PRORP: variants seen among roughly 807,000 people sequenced by gnomAD.
PRORP encodes the protein protein only RNase P catalytic subunit.
In PRORP, 51 loss-of-function variants were observed where a neutral mutation model predicts 59.4. That is an observed-to-expected ratio of 0.86 (90% CI 0.69 to 1.08). The LOEUF is 1.08. Ranked by LOEUF, PRORP falls within the 50% of genes least tolerant of loss-of-function variation. The pLI is 0.00. For synonymous variants in PRORP, 231 were observed against 245.6 expected (o/e 0.94, Z 0.55); for missense variants, 646 against 690.3 (o/e 0.94, Z 0.72).
intron 4 of PRORP, among the ~76,000 whole-genome samples, chr14:35,172,413 T>TTTCCCTCCTTCCTTCCTTCCTTCC (rs2048333061): frequency 2.6e-5 from 2 of 77,548 alleles, no homozygotes; most frequent in Non-Finnish European, 5.2e-5. Context: ...GGTTTCTTTC[T>TTTCCCTCCTTCCTTCCTTCCTTCC]TTCCTTCCTT....
chr14:35,148,979 C>T (rs796692548), intron 4 of PRORP, among the ~76,000 whole-genome samples: 172 of 126,020 alleles, frequency 1.4e-3, no homozygotes, highest in Middle Eastern at 6.1e-3. Context: ...AGTGCAGTGG[C>T]GCAATCTCGG....
chr14:35,180,559 A>C, intron 4 of PRORP, 111 bp from the exon 5 acceptor site: 1 of 527,882 alleles, frequency 1.9e-6, no homozygotes. Flanking sequence ...TGTATTTTTA[A>C]GGGATGAATA....
At chr14:35,208,852 A>G (rs140112432) in intron 5 of PRORP, among the ~76,000 whole-genome samples, 1,691 of 152,298 alleles carry the variant, frequency 0.011, 24 homozygotes, top group African/African-American at 0.038. Context: ...TCTACTAAAA[A>G]TACAAAAATT....
At chr14:35,207,348 A>T (rs2049320688) in intron 5 of PRORP, among the ~76,000 whole-genome samples, 1 of 152,262 alleles carries the variant, frequency 6.6e-6, no homozygotes, top group African/African-American at 2.4e-5. Flanking sequence ...AAATCAGACA[A>T]GGAAAGTTAA....
At chr14:35,162,423 T>G (rs2048083003) in intron 4 of PRORP, among the ~76,000 whole-genome samples, 1 of 152,098 alleles carries the variant, frequency 6.6e-6, no homozygotes, top group South Asian at 2.1e-4. Context: ...AATTGCAGTA[T>G]AGGATTAATT....
chr14:35,176,955 C>T (rs1477672759), intron 4 of PRORP, among the ~76,000 whole-genome samples: 2 of 152,050 alleles, frequency 1.3e-5, no homozygotes, highest in Admixed American at 6.6e-5. Flanking sequence ...GCGTGAAGGG[C>T]TGTTGAATTT....
intron 5 of PRORP, among the ~76,000 whole-genome samples, chr14:35,265,610 T>C (rs1459097173): frequency 2.6e-5 from 4 of 152,112 alleles, no homozygotes; most frequent in African/African-American, 9.7e-5. Flanking sequence ...GACAGATCTT[T>C]AGTAGAAAAG....
In PRORP at chr14:35,129,425, G is replaced by A. The variant is rs376527490; in HGVS notation, c.1167+1814G>A. 3.8e-4 allele frequency among the ~76,000 whole-genome samples: 58 copies of A among 151,520 alleles called. No individual in the cohort carries two copies. In the South Asian group the frequency reaches 0.011, roughly 29 times the overall value. ...CCCTTTAGTGAAGATGATTTTCTCT[G>A]GTGATATAATTTAGTTTCTTGCTTT... On this transcript the variant is annotated intron_variant, in intron 4 of 7. Coordinates refer to ENST00000534898, the MANE Select transcript of PRORP (RefSeq NM_014672.4).
At chr14:35,139,082 TGCCCG>T (rs1010819242) in intron 4 of PRORP, among the ~76,000 whole-genome samples, 2 of 145,504 alleles carry the variant, frequency 1.4e-5, no homozygotes, top group African/African-American at 4.9e-5. Flanking sequence ...TGAGCCGCCA[TGCCCG>T]GCCAAAGATA....
At chr14:35,226,197 A>C (rs990858956) in intron 5 of PRORP, among the ~76,000 whole-genome samples, 3 of 152,222 alleles carry the variant, frequency 2.0e-5, no homozygotes, top group Admixed American at 2.0e-4. Context: ...ACAAACATTC[A>C]ATATTCATTA....
intron 5 of PRORP, chr14:35,222,610 T>C (rs1361816546): frequency 6.6e-6 from 1 of 152,278 alleles, no homozygotes; most frequent in African/African-American, 2.4e-5. Context: ...TAGCCTATTA[T>C]GGCTACTGCC....
At chr14:35,139,559 CTCAA>C (rs2047439510) in intron 4 of PRORP, among the ~76,000 whole-genome samples, 1 of 144,848 alleles carries the variant, frequency 6.9e-6, no homozygotes, top group Admixed American at 7.2e-5. Flanking sequence ...TGTTTTGTGT[CTCAA>C]TCATTCTTTC....
At chr14:35,145,057 A>G (rs1595183010) in intron 4 of PRORP, among the ~76,000 whole-genome samples, 1 of 145,022 alleles carries the variant, frequency 6.9e-6, no homozygotes, top group Non-Finnish European at 1.5e-5. Flanking sequence ...TGCAGCCTCA[A>G]CCTCCCAGGC....
intron 4 of PRORP, among the ~76,000 whole-genome samples, chr14:35,152,781 A>G (rs905621598): frequency 1.5e-5 from 2 of 134,504 alleles, no homozygotes; most frequent in Non-Finnish European, 3.2e-5. Context: ...GGCGCTCCTC[A>G]CATCCCAGAC....
chr14:35,211,425 A>G (rs567954197), intron 5 of PRORP, among the ~76,000 whole-genome samples: 1 of 152,272 alleles, frequency 6.6e-6, no homozygotes, highest in African/African-American at 2.4e-5. Flanking sequence ...CTGCTCAGTA[A>G]ATATTTGCAG....
chr14:35,184,482 C>A (rs1408310270), intron 5 of PRORP, among the ~76,000 whole-genome samples: 1 of 152,158 alleles, frequency 6.6e-6, no homozygotes, highest in Non-Finnish European at 1.5e-5. Flanking sequence ...CGTAGCTCCA[C>A]ACACTGTTAC....
chr14:35,209,943 A>G (rs1278628224), intron 5 of PRORP, among the ~76,000 whole-genome samples: 2 of 152,188 alleles, frequency 1.3e-5, no homozygotes, highest in South Asian at 2.1e-4. Context: ...ATACCCCACT[A>G]ATATATCTTC....
intron 5 of PRORP, among the ~76,000 whole-genome samples, chr14:35,249,392 G>A (rs2050559086): frequency 6.6e-6 from 1 of 151,636 alleles, no homozygotes; most frequent in South Asian, 2.1e-4. Flanking sequence ...GACCAGCCTG[G>A]GCAACATCAT....
At chr14:35,158,111 T>C (rs2047963518) in intron 4 of PRORP, 2 of 273,462 alleles carry the variant, frequency 7.3e-6, no homozygotes, top group Non-Finnish European at 1.4e-5. Flanking sequence ...TTTTTTTTTT[T>C]ACCTTCATTT....
Sources: allele counts gnomAD v4.1 joint callset (sites outside exome capture counted in the v4.1 genomes callset), GRCh38; gene constraint gnomAD v4.1.1; transcripts MANE v1.5; gene names NCBI Gene and HGNC (gene_info 2026-07-23, HGNC 2026-07-21).